The following CAPN3 variants were observed in gnomAD, a reference collection of about 807,000 sequenced individuals.
The protein encoded by CAPN3 is calpain 3.
CAPN3 carries 88 observed loss-of-function variants against 114.0 expected under a neutral mutation model. The ratio of observed to expected loss-of-function variants is 0.77; its 90% CI spans 0.65 to 0.92. The LOEUF (loss-of-function observed/expected upper bound fraction) is 0.92, where lower values mean the gene tolerates loss of function less well. Among genes scored for constraint, CAPN3 ranks in the 40% least tolerant of loss-of-function variants. The pLI is 0.00. For missense variants in CAPN3, 1,028 were observed against 1,069.0 expected (o/e 0.96, Z 0.53); for synonymous variants, 386 against 382.9 (o/e 1.01, Z -0.09).
Position 42,411,324 on chromosome 15 carries a change from C to A in CAPN3, c.2418C>A (p.Ile806=), listed in dbSNP as rs1473459900. The A allele has an allele frequency of 6.2e-7, 1 of 1,614,018 alleles. No individual in the cohort carries two copies. The highest frequency in any genetic ancestry group is 8.5e-7 in the Non-Finnish European group (1 of 1,180,000). The part of the protein sequence containing the change: ...FHAFDKDGDG[I]IKLNVLEWLQ... ...CATTTGACAAGGATGGAGATGGTAT[C>A]ATCAAGCTCAACGTTCTGGAGGTAA... The change falls in exon 23 of 24, where the codon ATC becomes ATA. Residue 806 remains isoleucine, a synonymous_variant. Transcript: ENST00000397163.
chr15:42,403,055 T>A, intron 13 of CAPN3, 53 bp downstream of exon 13: 1 of 1,497,682 alleles, frequency 6.7e-7, no homozygotes, highest in Non-Finnish European at 9.3e-7. Flanking sequence ...CATGGCCCAC[T>A]CCAGAGGTTG....
chr15:42,387,848 T>C lies in CAPN3; in HGVS notation c.594T>C (p.Asn198=), dbSNP rs771800732. 1.3e-5 allele frequency: 21 copies of C among 1,614,176 alleles called. 2 individuals are homozygous for C. In the South Asian group the frequency reaches 2.3e-4, roughly 18 times the overall value. Residue 198 remains asparagine, a synonymous_variant, in exon 4 of 24, where the codon AAT becomes AAC. Coordinates refer to ENST00000397163, the MANE Select transcript of CAPN3 (RefSeq NM_000070.3). The part of the protein sequence containing the change: ...QLVFTKSNHR[N]EFWSALLEKA... The stretch of plus-strand genomic sequence containing the variant: ...TTTTCACCAAGTCCAACCACCGCAA[T>C]GAGTTCTGGAGTGCTCTGCTGGAGA...
Position 42,398,937 on chromosome 15 carries a change from A to T in CAPN3, c.1194-555A>T, listed in dbSNP as rs973182754. On this transcript the variant is annotated intron_variant, in intron 9 of 23. Coordinates refer to ENST00000397163, the MANE Select transcript of CAPN3 (RefSeq NM_000070.3). ...GTAACTAGGATTACAAGTGCCCGCC[A>T]TAATGCTCAGCTAATTTTTGTATTT... Among the ~76,000 whole-genome samples, 4 of 151,890 alleles carry T rather than the reference A, an allele frequency of 2.6e-5. No homozygotes were observed. The East Asian group carries it at 7.8e-4, about 29-fold the overall frequency.
chr15:42,406,183 A>G lies in CAPN3; in HGVS notation c.1800+240A>G, dbSNP rs1446898354. Reference sequence around the variant, plus strand: ...TTCCATGATTAATTCCTTCCTCACAACAGCCCTATGAGATTAGTACTATAA... The same window carrying G: ...TTCCATGATTAATTCCTTCCTCACAGCAGCCCTATGAGATTAGTACTATAA... On this transcript the variant is annotated intron_variant, in intron 15 of 23. Coordinates refer to ENST00000397163, the MANE Select transcript of CAPN3 (RefSeq NM_000070.3). 7.2e-5 allele frequency among the ~76,000 whole-genome samples: 11 copies of G among 152,192 alleles called. No individual in the cohort carries two copies. In the East Asian group the frequency reaches 2.1e-3, roughly 29 times the overall value.
At position 42,387,747 on chromosome 15, in the gene CAPN3, G is replaced by A. The variant is rs371721054; in HGVS notation, c.499-6G>A. 2.0e-5 allele frequency: 32 copies of A among 1,614,096 alleles called. No homozygotes were observed. The highest frequency in any genetic ancestry group is 2.2e-5 in the East Asian group (1 of 44,896). ...ATGTGACTCTGTGCGTGACGCTTCT[G>A]TGCAGTTCTGGCGCTATGGAGAGTG... On this transcript the variant is annotated splice_polypyrimidine_tract_variant and splice_region_variant and intron_variant, in intron 3 of 23. Transcript: ENST00000397163.
intron 1 of CAPN3, among the ~76,000 whole-genome samples, chr15:42,383,022 C>G (rs1040979628): frequency 6.6e-6 from 1 of 152,146 alleles, no homozygotes; most frequent in African/African-American, 2.4e-5. Context: ...TTATTCCTTC[C>G]CTCCCCATAT....
intron 15 of CAPN3, among the ~76,000 whole-genome samples, chr15:42,406,266 C>T (rs2054017671): frequency 6.6e-6 from 1 of 151,916 alleles, no homozygotes; most frequent in Non-Finnish European, 1.5e-5. Context: ...CCCAAGGCCA[C>T]ACAGCCAGAG....
intron 1 of CAPN3, among the ~76,000 whole-genome samples, chr15:42,370,093 G>A (rs1458759787): frequency 1.3e-5 from 2 of 151,672 alleles, no homozygotes; most frequent in Non-Finnish European, 2.9e-5. Flanking sequence ...GGCTGGTCTC[G>A]AACTCCTGAC....
At chr15:42,383,266 C>T (rs992591350) in intron 1 of CAPN3, among the ~76,000 whole-genome samples, 4 of 152,134 alleles carry the variant, frequency 2.6e-5, no homozygotes, top group African/African-American at 9.7e-5. Flanking sequence ...AATGCCAAGA[C>T]TCCATGAAGC....
intron 4 of CAPN3, 68 bp downstream of exon 4, chr15:42,387,954 A>C: frequency 6.3e-7 from 1 of 1,592,710 alleles, no homozygotes; most frequent in South Asian, 1.1e-5. Flanking sequence ...TCCAGCCGAG[A>C]CCTCACTCAC....
At position 42,394,318 on chromosome 15, in the gene CAPN3, G is replaced by A; in HGVS notation, c.1092G>A (p.Glu364=). 1.3e-6 allele frequency: 2 copies of A among 1,562,534 alleles called. No individual in the cohort carries two copies. Among genetic ancestry groups the A allele is most frequent in the African/African-American group, 1.4e-5 (1 of 73,892 alleles). The change falls in exon 8 of 24, where the codon GAG becomes GAA. Residue 364 remains glutamate (E), a synonymous_variant. Coordinates refer to ENST00000397163, the MANE Select transcript of CAPN3 (RefSeq NM_000070.3). ...VRLRNPWGQV[E]WNGSWSDRWK... ...TGCGGAATCCGTGGGGCCAGGTGGA[G>A]TGGAACGGTTCTTGGAGTGATAGGT...
intron 1 of CAPN3, 31 bp from the exon 2 acceptor site, chr15:42,384,452 C>A: frequency 6.6e-7 from 1 of 1,523,542 alleles, no homozygotes; most frequent in Non-Finnish European, 9.1e-7. Flanking sequence ...TACTGTTATT[C>A]TTACCTGGTC....
chr15:42,386,353 A>C lies in CAPN3; in HGVS notation c.498+68A>C, dbSNP rs1400550278. ...ACCCACCGCTGGTCTCCTGGCCTTG[A>C]CTTCCCAGAAGCTGGAGGAAACTTC... On this transcript the variant is annotated intron_variant, in intron 3 of 23. Coordinates refer to ENST00000397163, the MANE Select transcript of CAPN3 (RefSeq NM_000070.3). 7 of 1,095,684 alleles carry C rather than the reference A, an allele frequency of 6.4e-6. No individual in the cohort carries two copies. In the African/African-American group the frequency reaches 9.2e-5, roughly 14 times the overall value. 67.9% of individuals were successfully genotyped at this position (1,095,684 alleles called of 1,614,324 possible).
intron 1 of CAPN3, among the ~76,000 whole-genome samples, chr15:42,378,377 T>A (rs2053146988): frequency 6.6e-6 from 1 of 152,254 alleles, no homozygotes; most frequent in Non-Finnish European, 1.5e-5. Flanking sequence ...TGGATTCGGC[T>A]GCCTTCAGCC....
rs138867099 is a variant in CAPN3 at position 42,360,037 on chromosome 15, C to T, written c.232C>T (p.Pro78Ser). ...CLEKKVLYVD[P>S]EFPPDETSLF... ...AGAAAAGAAAGTTCTTTATGTGGAC[C>T]CTGAGTTCCCACCGGATGAGACCTC... Residue 78 changes from proline (P) to serine (S), a missense_variant, in exon 1 of 24, where the codon CCT (proline) becomes TCT (serine). Coordinates refer to ENST00000397163, the MANE Select transcript of CAPN3 (RefSeq NM_000070.3). 1 of 1,614,190 alleles carries T rather than the reference C, an allele frequency of 6.2e-7. No individual in the cohort carries two copies.
At chr15:42,361,352 G>A (rs907151458) in intron 1 of CAPN3, among the ~76,000 whole-genome samples, 24 of 152,180 alleles carry the variant, frequency 1.6e-4, no homozygotes, top group African/African-American at 4.6e-4. Context: ...CATGCCTGTG[G>A]TCCTAGCTAC....
At position 42,411,761 on chromosome 15, in the gene CAPN3, C is replaced by G; in HGVS notation, c.2454C>G (p.Thr818=). The G allele has an allele frequency of 1.2e-6, 2 of 1,605,354 alleles. No homozygotes were observed. Among genetic ancestry groups the G allele is most frequent in the Non-Finnish European group, 1.7e-6 (2 of 1,173,528 alleles). The change falls in exon 24 of 24, where the codon ACC becomes ACG. Residue 818 remains threonine (T), a synonymous_variant. Coordinates refer to ENST00000397163, the MANE Select transcript of CAPN3 (RefSeq NM_000070.3). ...KLNVLEWLQL[T]MYA Reference sequence around the variant, plus strand: ...ACTTCTTTCAGTGGCTGCAGCTCACCATGTATGCCTGAACCAGGCTGGCCT... The same window carrying G: ...ACTTCTTTCAGTGGCTGCAGCTCACGATGTATGCCTGAACCAGGCTGGCCT...
At chr15:42,388,865 G>A in intron 4 of CAPN3, 63 bp from the exon 5 acceptor site, 1 of 1,413,502 alleles carries the variant, frequency 7.1e-7, no homozygotes. Flanking sequence ...TGGTGGCAGT[G>A]GTACCTGGGT....
At chr15:42,406,089 C>A in intron 15 of CAPN3, 146 bp downstream of exon 15, 1 of 774,536 alleles carries the variant, frequency 1.3e-6, no homozygotes, top group Admixed American at 1.9e-5. Flanking sequence ...CTGCTGGGGC[C>A]GAGCGTGCAG....
Sources: gnomAD v4.1 joint callset for allele counts (sites outside exome capture counted in the v4.1 genomes callset) on GRCh38, gnomAD v4.1.1 for gene constraint, MANE v1.5 for transcripts, NCBI Gene and HGNC (gene_info 2026-07-23, HGNC 2026-07-21) for gene names.